GGA2: variants seen among roughly 807,000 people sequenced by gnomAD.
GGA2 encodes ADP-ribosylation factor-binding protein GGA2.
A neutral mutation model predicts 79.5 loss-of-function variants in GGA2; 48 were observed. The observed-to-expected ratio is 0.60, with a 90% CI of 0.48 to 0.77. The LOEUF is 0.77. Among genes scored for constraint, GGA2 ranks in the 30% least tolerant of loss-of-function variants. The probability of loss-of-function intolerance (pLI) is 0.00; values close to 1 mark genes in which losing one functional copy is unlikely to be tolerated. For missense variants in GGA2, 770 were observed against 774.0 expected (o/e 0.99, Z 0.06); for synonymous variants, 317 against 302.0 (o/e 1.05, Z -0.51).
chr16:23,485,638 T>C (rs1449450698), intron 8 of GGA2, among the ~76,000 whole-genome samples: 1 of 152,222 alleles, frequency 6.6e-6, no homozygotes, highest in Non-Finnish European at 1.5e-5. Context: ...AACAGGTACA[T>C]GCTGTGGTAC....
intron 6 of GGA2, 74 bp downstream of exon 6, chr16:23,488,532 T>G (rs1232604783): frequency 2.3e-6 from 2 of 880,756 alleles, no homozygotes; most frequent in Non-Finnish European, 3.8e-6. Flanking sequence ...ATACTCCGAT[T>G]CAAGCATCAA....
At chr16:23,483,644 T>G (rs535113607) in intron 8 of GGA2, among the ~76,000 whole-genome samples, 6 of 152,068 alleles carry the variant, frequency 3.9e-5, no homozygotes, top group Non-Finnish European at 5.9e-5. Context: ...TTTGATTGTT[T>G]GTTTTTTTGG....
rs576351423 is a variant in GGA2, at chr16:23,464,681, G to A, written c.*2909C>T. 1 of 152,542 alleles carries A rather than the reference G, an allele frequency of 6.6e-6. No individual in the cohort carries two copies. The allele number at this position is 152,542 out of a possible 1,614,324, so 9.4% of individuals were successfully genotyped here. On this transcript the variant is annotated 3_prime_UTR_variant, in exon 17 of 17. Coordinates refer to ENST00000309859, the MANE Select transcript of GGA2 (RefSeq NM_015044.4). ...GCGGATACAGACGAAGCAGGAATCA[G>A]GGACCCAATAAGTCTCAGGTGCTTT... is the stretch of plus-strand genomic sequence containing the variant.
chr16:23,523,984 ATC>A (rs200036419), upstream of GGA2: 2,220 of 92,276 alleles, frequency 0.024, 59 homozygotes, highest in African/African-American at 0.074. Flanking sequence ...GAGAAAATAA[ATC>A]TCTGTTGTTT....
At position 23,466,937 on chromosome 16, in the gene GGA2, G is replaced by C. The variant is rs1964444553; in HGVS notation, c.*653C>G. 1 of 153,166 alleles carries C rather than the reference G, an allele frequency of 6.5e-6. No individual in the cohort carries two copies. The highest frequency in any genetic ancestry group is 1.5e-5 in the Non-Finnish European group (1 of 68,508). The allele number at this position is 153,166 out of a possible 1,614,324, so 9.5% of individuals were successfully genotyped here. ...GCGATTCTAAGGCACAGTGGTGAAG[G>C]ACATGATTGGTCCCCCAAGTGTGGT... On this transcript the variant is annotated 3_prime_UTR_variant, in exon 17 of 17. Transcript: ENST00000309859.
chr16:23,499,139 C>A lies in GGA2; in HGVS notation c.92-3361G>T, dbSNP rs569127012. 4.5e-5 allele frequency among the ~76,000 whole-genome samples: 6 copies of A among 132,298 alleles called. No individual in the cohort carries two copies. In the East Asian group the frequency reaches 1.3e-3, roughly 29 times the overall value. The allele number at this position is 132,298 out of a possible 152,430, so 86.8% of individuals were successfully genotyped here. A position where few individuals can be genotyped will look rare whatever the true frequency, so the allele number is the denominator to read the frequency against. On this transcript the variant is annotated intron_variant, in intron 1 of 16. Coordinates refer to ENST00000309859, the MANE Select transcript of GGA2 (RefSeq NM_015044.4). ...GTGAAAGAGACACAGCACTGACGGG[C>A]ACCACCTTTTTTTTTTTTTTTTTGA...
At position 23,475,078 on chromosome 16, in the gene GGA2, A is replaced by G. The variant is rs373393695; in HGVS notation, c.1293-17T>C. ...ACATAATTCCTACAAAGAAATAAAAAATATCAAAGACTAGCAAAAATTGTA... is the reference window on the plus strand; with the variant it reads ...ACATAATTCCTACAAAGAAATAAAAGATATCAAAGACTAGCAAAAATTGTA... On this transcript the variant is annotated splice_polypyrimidine_tract_variant and intron_variant, in intron 13 of 16. Coordinates refer to ENST00000309859, the MANE Select transcript of GGA2 (RefSeq NM_015044.4). The G allele has an allele frequency of 1.4e-3, 2,204 of 1,536,074 alleles. 2 individuals carry two copies. Among genetic ancestry groups the G allele is most frequent in the Non-Finnish European group, 1.8e-3 (1,995 of 1,135,696 alleles).
chr16:23,481,265 C>T (rs868807932), intron 9 of GGA2, among the ~76,000 whole-genome samples: 3 of 151,986 alleles, frequency 2.0e-5, no homozygotes, highest in Admixed American at 6.6e-5. Context: ...CCCAGCTATT[C>T]GGGAGGCTGA....
At chr16:23,474,075 G>A (rs1406470900) in intron 14 of GGA2, among the ~76,000 whole-genome samples, 9 of 151,584 alleles carry the variant, frequency 5.9e-5, no homozygotes, top group Non-Finnish European at 1.2e-4. Context: ...TTAATTAGCC[G>A]AGCCTTCCAT....
chr16:23,494,517 C>A (rs1417820812), intron 2 of GGA2, 139 bp from the exon 3 acceptor site: 5 of 682,160 alleles, frequency 7.3e-6, no homozygotes, highest in Admixed American at 4.6e-5. Flanking sequence ...GACAAACAGG[C>A]CACGCGGGGG....
chr16:23,486,175 G>C (rs1226947716), intron 7 of GGA2, 23 bp from the exon 8 acceptor site: 6 of 1,611,340 alleles, frequency 3.7e-6, no homozygotes, highest in African/African-American at 1.3e-5. Context: ...AGAGGAGGAT[G>C]GGAGTGAGGG....
At chr16:23,488,554 A>G (rs1315813476) in intron 6 of GGA2, 52 bp downstream of exon 6, 1 of 1,042,320 alleles carries the variant, frequency 9.6e-7, no homozygotes, top group South Asian at 1.3e-5. Context: ...GGGCATTTAC[A>G]GTGCCTAAGA....
Position 23,482,961 on chromosome 16 carries a change from C to G in GGA2, c.842G>C (p.Arg281Pro). The G allele has an allele frequency of 6.2e-7, 1 of 1,612,888 alleles. No individual in the cohort carries two copies. The highest frequency in any genetic ancestry group is 8.5e-7 in the Non-Finnish European group (1 of 1,178,870). Residue 281 changes from arginine to proline, a missense_variant, in exon 9 of 17, where the codon CGG becomes CCG. Transcript: ENST00000309859. ...RCEKLRPTLF[R>P]LASDTTDDDD... ...GTCATCAGTGGTGTCACTCGCCAACCGGAACAGCGTGGGCCGCAGCTTTTC... is the reference window on the plus strand; with the variant it reads ...GTCATCAGTGGTGTCACTCGCCAACGGGAACAGCGTGGGCCGCAGCTTTTC...
chr16:23,511,051 T>TGTGTGTG, upstream of GGA2, among the ~76,000 whole-genome samples: 1 of 76,184 alleles, frequency 1.3e-5, no homozygotes. Context: ...GTGTGTGTGT[T>TGTGTGTG]AGAGACTGGG....
intron 1 of GGA2, chr16:23,501,740 A>G (rs1319836871): frequency 1.3e-5 from 2 of 156,560 alleles, no homozygotes; most frequent in African/African-American, 2.4e-5. Flanking sequence ...CTGCTGAAAG[A>G]AACAACAAAA....
intron 1 of GGA2, 62 bp downstream of exon 1, chr16:23,510,259 G>T (rs1362539683): frequency 2.7e-6 from 3 of 1,108,022 alleles, no homozygotes; most frequent in Non-Finnish European, 2.4e-6. Flanking sequence ...GCCCCGGGAG[G>T]CGGGAAGCGA....
chr16:23,486,512 C>T (rs777222210), intron 7 of GGA2, among the ~76,000 whole-genome samples, 198 bp downstream of exon 7: 85 of 152,168 alleles, frequency 5.6e-4, no homozygotes, highest in Admixed American at 5.2e-3. Flanking sequence ...CTGAGAAGTA[C>T]GGCAGCGGGA....
rs749561543 is a variant in GGA2, at chr16:23,486,808, G to A, written c.580-18C>T. 1 of 1,522,464 alleles carries A rather than the reference G, an allele frequency of 6.6e-7. No individual in the cohort carries two copies. 94.3% of individuals were successfully genotyped at this position (1,522,464 alleles called of 1,614,324 possible). A position where few individuals can be genotyped will look rare whatever the true frequency, so the allele number is the denominator to read the frequency against. ...GTCAGAAGCTGCAGAGAGTGAACAG[G>A]AAGAGTAGGTGAGACCACAACTCCC... On this transcript the variant is annotated intron_variant, in intron 6 of 16. Transcript: ENST00000309859.
chr16:23,479,800 A>C lies in GGA2; in HGVS notation c.1094T>G (p.Val365Gly), dbSNP rs200560596. The change falls in exon 11 of 17, where the codon GTG (valine) becomes GGG (glycine). Residue 365 changes from valine (V) to glycine (G), a missense_variant. Physicochemically the swap from Val to Gly is moderately radical, Grantham distance 109. Coordinates refer to ENST00000309859, the MANE Select transcript of GGA2 (RefSeq NM_015044.4). ...CAGGTCCTGATGAAGCAAAGATGGC[A>C]CCACAGTCCCCATCTGCGCAGGTCC... The part of the protein sequence containing the change: ...DNGPAQMGTV[V>G]PSLLHQDLAA... 7.6e-5 allele frequency: 122 copies of C among 1,614,096 alleles called. No individual in the cohort carries two copies. The Middle Eastern group carries it at 9.9e-4, about 13-fold the overall frequency.
Sources: allele counts gnomAD v4.1 joint callset (sites outside exome capture counted in the v4.1 genomes callset), GRCh38; gene constraint gnomAD v4.1.1; transcripts MANE v1.5; gene names NCBI Gene and HGNC (gene_info 2026-07-23, HGNC 2026-07-21).